The following HSPA4L variants were observed in gnomAD, a reference collection of about 807,000 sequenced individuals.
HSPA4L encodes heat shock 70 kDa protein 4L.
HSPA4L carries 48 observed loss-of-function variants against 100.3 expected under a neutral mutation model. That is an observed-to-expected ratio of 0.48 (90% CI 0.38 to 0.61). HSPA4L has a LOEUF of 0.61. Ranked by LOEUF, HSPA4L falls within the 20% of genes least tolerant of loss-of-function variation. HSPA4L has a pLI of 0.00. For missense variants in HSPA4L, 886 were observed against 988.6 expected (o/e 0.90, Z 1.39); for synonymous variants, 319 against 328.2 (o/e 0.97, Z 0.30).
chr4:127,805,745 C>G lies in HSPA4L; in HGVS notation c.1196C>G (p.Pro399Arg), dbSNP rs149774219. ...GAATTTTCCATAACAGACCTTGTTC[C>G]CTATTCAATCACATTAAGGTGGAAG... The part of the protein sequence containing the change: ...VREFSITDLV[P>R]YSITLRWKTS... The change falls in exon 10 of 19, where the codon CCC becomes CGC. Residue 399 changes from proline to arginine, a missense_variant. Coordinates refer to ENST00000296464, the MANE Select transcript of HSPA4L (RefSeq NM_014278.4). 11 of 1,612,460 alleles carry G rather than the reference C, an allele frequency of 6.8e-6. No individual in the cohort carries two copies. The highest frequency in any genetic ancestry group is 9.3e-6 in the Non-Finnish European group (11 of 1,179,072).
At chr4:127,826,857 G>T (rs1292050957) in intron 16 of HSPA4L, among the ~76,000 whole-genome samples, 2 of 152,028 alleles carry the variant, frequency 1.3e-5, no homozygotes, top group Non-Finnish European at 2.9e-5. Context: ...CTGATTAAAT[G>T]TATAAATAAT....
rs767201445 is a variant in HSPA4L, at chr4:127,808,091, C to A, written c.1340C>A (p.Thr447Asn). The change falls in exon 11 of 19, where the codon ACT becomes AAT. Residue 447 changes from threonine (T) to asparagine (N), a missense_variant. By Grantham distance (65) the Thr-to-Asn change is moderately conservative. Transcript: ENST00000296464. ...CCATTTGAACTAGAAGCATTTTATA[C>A]TAATTTACATGAAGTGCCTTATCCT... ...KEPFELEAFY[T>N]NLHEVPYPDA... The A allele has an allele frequency of 1.2e-6, 2 of 1,611,994 alleles. No homozygotes were observed. The highest frequency in any genetic ancestry group is 3.3e-5 in the Admixed American group (2 of 59,774).
In HSPA4L at chr4:127,782,345, G is replaced by A. The variant is rs911929497; in HGVS notation, c.-206G>A. The A allele has an allele frequency of 1.3e-4, 71 of 558,254 alleles. No homozygotes were observed. Among genetic ancestry groups the A allele is most frequent in the South Asian group, 1.0e-3 (48 of 48,028 alleles). The allele number at this position is 558,254 out of a possible 1,614,324, so 34.6% of individuals were successfully genotyped here. A position where few individuals can be genotyped will look rare whatever the true frequency, so the allele number is the denominator to read the frequency against. Reference sequence around the variant, plus strand: ...GCAGTAGGGAAAGACCCAGGCTGCGGGACGCGGTGCAGGCTGCGGCGCTGA... The same window carrying A: ...GCAGTAGGGAAAGACCCAGGCTGCGAGACGCGGTGCAGGCTGCGGCGCTGA... On this transcript the variant is annotated 5_prime_UTR_variant, in exon 1 of 19. Transcript: ENST00000296464.
intron 1 of HSPA4L, among the ~76,000 whole-genome samples, chr4:127,786,166 T>C (rs1417042637): frequency 2.0e-5 from 2 of 101,138 alleles, no homozygotes; most frequent in African/African-American, 8.6e-5. Flanking sequence ...AGTTTGATCA[T>C]ACTAACTATC....
At position 127,796,747 on chromosome 4, in the gene HSPA4L, T is replaced by A. The variant is rs1432152641; in HGVS notation, c.306+839T>A. Among the ~76,000 whole-genome samples the A allele has an allele frequency of 2.6e-5, 4 of 152,156 alleles. No homozygotes were observed. The East Asian group carries it at 7.7e-4, about 29-fold the overall frequency. On this transcript the variant is annotated intron_variant, in intron 3 of 18. Transcript: ENST00000296464. ...CACATACTGTATGATTCCTTTTATATAGAATGTTCAGAGTAGAACAAATTC... is the reference window on the plus strand; with the variant it reads ...CACATACTGTATGATTCCTTTTATAAAGAATGTTCAGAGTAGAACAAATTC...
intron 17 of HSPA4L, 67 bp downstream of exon 17, chr4:127,827,491 A>AAAAG: frequency 6.4e-7 from 1 of 1,561,644 alleles, no homozygotes; most frequent in Non-Finnish European, 8.8e-7. Flanking sequence ...GGGCAAATCT[A>AAAAG]AAAGTTCTCA....
At chr4:127,826,980 T>C (rs1444691275) in intron 16 of HSPA4L, among the ~76,000 whole-genome samples, 1 of 152,178 alleles carries the variant, frequency 6.6e-6, no homozygotes, top group Non-Finnish European at 1.5e-5. Flanking sequence ...GCATGCAGTA[T>C]AGTTTTTACA....
At position 127,818,321 on chromosome 4, in the gene HSPA4L, C is replaced by G; in HGVS notation, c.1579-4C>G. ...ATATTATCAATTATGTATTTTCTTTCTAGGATAAAATGCAGGTTGATCAAG... is the reference window on the plus strand; with the variant it reads ...ATATTATCAATTATGTATTTTCTTTGTAGGATAAAATGCAGGTTGATCAAG... On this transcript the variant is annotated splice_polypyrimidine_tract_variant and splice_region_variant and intron_variant, in intron 12 of 18. Coordinates refer to ENST00000296464, the MANE Select transcript of HSPA4L (RefSeq NM_014278.4). 6.3e-7 allele frequency: 1 copy of G among 1,592,722 alleles called. No individual in the cohort carries two copies. The highest frequency in any genetic ancestry group is 8.6e-7 in the Non-Finnish European group (1 of 1,163,470).
chr4:127,782,499 G>T lies in HSPA4L; in HGVS notation c.-52G>T, dbSNP rs1222906298. On this transcript the variant is annotated 5_prime_UTR_variant, in exon 1 of 19. Transcript: ENST00000296464. ...GCAGCAATAGCCCAGAAGAGGACAC[G>T]GTTCCCGTACCGAAGGGTTCAGTAC... 6.8e-7 allele frequency: 1 copy of T among 1,464,362 alleles called. No homozygotes were observed. Among genetic ancestry groups the T allele is most frequent in the Non-Finnish European group, 9.6e-7 (1 of 1,045,168 alleles). The allele number at this position is 1,464,362 out of a possible 1,614,324, so 90.7% of individuals were successfully genotyped here.
intron 16 of HSPA4L, among the ~76,000 whole-genome samples, chr4:127,826,394 C>G (rs577464998): frequency 6.6e-6 from 1 of 151,672 alleles, no homozygotes; most frequent in Non-Finnish European, 1.5e-5. Context: ...AAGACCCTGT[C>G]CCAATGGAAA....
chr4:127,796,002 T>C, intron 3 of HSPA4L, 94 bp downstream of exon 3: 1 of 1,210,470 alleles, frequency 8.3e-7, no homozygotes, highest in Non-Finnish European at 1.2e-6. Context: ...CTTTTTCCTC[T>C]AGATACAGTA....
chr4:127,830,536 T>C (rs1337479580), intron 17 of HSPA4L, 102 bp from the exon 18 acceptor site: 4 of 806,652 alleles, frequency 5.0e-6, no homozygotes, highest in East Asian at 5.7e-5. Context: ...ATTTGAGATA[T>C]ACAGTCAATA....
Position 127,827,397 on chromosome 4 carries a change from G to C in HSPA4L, c.2139G>C (p.Met713Ile). ...TGGGAAAAAAGATCCAACTTGTCAT[G>C]AAAGTGATAGAAGCTTATAGAAACA... ...NDLGKKIQLV[M>I]KVIEAYRNKD... Residue 713 changes from methionine to isoleucine, a missense_variant, in exon 17 of 19, where the codon ATG (methionine) becomes ATC (isoleucine). Coordinates refer to ENST00000296464, the MANE Select transcript of HSPA4L (RefSeq NM_014278.4). 1 of 1,613,718 alleles carries C rather than the reference G, an allele frequency of 6.2e-7. No homozygotes were observed. The highest frequency in any genetic ancestry group is 8.5e-7 in the Non-Finnish European group (1 of 1,179,720).
chr4:127,833,844 C>T lies in HSPA4L; in HGVS notation c.*970C>T, dbSNP rs1734146358. 1 of 152,060 alleles carries T rather than the reference C, an allele frequency of 6.6e-6. No homozygotes were observed. The highest frequency in any genetic ancestry group is 6.5e-5 in the Admixed American group (1 of 15,270). The allele number at this position is 152,060 out of a possible 1,614,324, so 9.4% of individuals were successfully genotyped here. A position where few individuals can be genotyped will look rare whatever the true frequency, so the allele number is the denominator to read the frequency against. On this transcript the variant is annotated 3_prime_UTR_variant, in exon 19 of 19. Transcript: ENST00000296464. ...ACCTAATGTTACCTTGTAGATTAAA[C>T]ACTATTAAGTGGTAATACTTGAAAA...
intron 1 of HSPA4L, among the ~76,000 whole-genome samples, chr4:127,792,298 A>G (rs1420248640): frequency 6.6e-6 from 1 of 152,148 alleles, no homozygotes; most frequent in Admixed American, 6.5e-5. Flanking sequence ...GCCAAGTTGT[A>G]TTCTTTTTGT....
chr4:127,827,513 A>G (rs1388025458), intron 17 of HSPA4L, 89 bp downstream of exon 17: 2 of 1,423,530 alleles, frequency 1.4e-6, no homozygotes, highest in Non-Finnish European at 1.9e-6. Flanking sequence ...CTACAAAGCT[A>G]TAGCAGTTGT....
In HSPA4L at chr4:127,804,062, T is replaced by A. The variant is rs1733276195; in HGVS notation, c.960T>A (p.Pro320=). 1.2e-6 allele frequency: 2 copies of A among 1,613,902 alleles called. No individual in the cohort carries two copies. The highest frequency in any genetic ancestry group is 1.7e-5 in the Admixed American group (1 of 59,984). ...CASLLARVEP[P]LKAVMEQANL... Reference sequence around the variant, plus strand: ...CCCTTTTGGCCAGGGTTGAACCACCTTTAAAAGCAGTAATGGAACAAGCTA... The same window carrying A: ...CCCTTTTGGCCAGGGTTGAACCACCATTAAAAGCAGTAATGGAACAAGCTA... Residue 320 remains proline (P), a synonymous_variant, in exon 8 of 19, where the codon CCT becomes CCA. Transcript: ENST00000296464.
intron 1 of HSPA4L, chr4:127,783,720 A>G (rs1732634357): frequency 6.7e-7 from 1 of 1,491,740 alleles, no homozygotes; most frequent in Admixed American, 2.0e-5. Context: ...GAATGGTCCA[A>G]AATATAATAC....
chr4:127,817,583 G>A (rs1256265017), intron 12 of HSPA4L, among the ~76,000 whole-genome samples: 5 of 151,926 alleles, frequency 3.3e-5, no homozygotes, highest in Admixed American at 1.3e-4. Flanking sequence ...GATTTTATTG[G>A]TAGAAAGTTT....
Sources: allele counts gnomAD v4.1 joint callset (sites outside exome capture counted in the v4.1 genomes callset), GRCh38; gene constraint gnomAD v4.1.1; transcripts MANE v1.5; gene names NCBI Gene and HGNC (gene_info 2026-07-23, HGNC 2026-07-21).